The following CDH13 variants were observed in gnomAD, a reference collection of about 807,000 sequenced individuals.
CDH13 encodes cadherin 13, also known as cadherin-13.
A neutral mutation model predicts 63.8 loss-of-function variants in CDH13; 24 were observed. That is an observed-to-expected ratio of 0.38 (90% CI 0.27 to 0.53). The LOEUF (loss-of-function observed/expected upper bound fraction) is 0.53, where lower values mean the gene tolerates loss of function less well. Ranked by LOEUF, CDH13 falls within the 20% of genes least tolerant of loss-of-function variation. The probability of loss-of-function intolerance (pLI) is 0.85; values close to 1 mark genes in which losing one functional copy is unlikely to be tolerated. For missense variants in CDH13, 1,049 were observed against 903.1 expected (o/e 1.16, Z -2.07); for synonymous variants, 503 against 355.3 (o/e 1.42, Z -4.67).
At chr16:83,199,120 G>C (rs922960912) in intron 4 of CDH13, among the ~76,000 whole-genome samples, 2 of 152,344 alleles carry the variant, frequency 1.3e-5, no homozygotes, top group South Asian at 4.1e-4. Context: ...GTCAGAAGGT[G>C]CTGGAGCTGG....
chr16:83,304,550 C>G (rs779346601), intron 5 of CDH13, among the ~76,000 whole-genome samples: 7 of 152,126 alleles, frequency 4.6e-5, no homozygotes, highest in Non-Finnish European at 1.0e-4. Flanking sequence ...TACAGAATGA[C>G]TATCAAATAA....
intron 3 of CDH13, among the ~76,000 whole-genome samples, chr16:83,121,702 C>T (rs987699525): frequency 6.6e-5 from 10 of 152,130 alleles, no homozygotes; most frequent in African/African-American, 1.4e-4. Flanking sequence ...TCTCACTAAA[C>T]GTCTTCCTTC....
At chr16:83,291,178 G>A (rs994855421) in intron 5 of CDH13, among the ~76,000 whole-genome samples, 5 of 152,138 alleles carry the variant, frequency 3.3e-5, no homozygotes, top group Non-Finnish European at 5.9e-5. Context: ...CTCAATTAAT[G>A]AATGGAAGAA....
At chr16:83,474,016 T>A (rs13338229) in intron 6 of CDH13, among the ~76,000 whole-genome samples, 3,819 of 152,238 alleles carry the variant, frequency 0.025, 164 homozygotes, top group African/African-American at 0.086. Flanking sequence ...TCATTCAGGA[T>A]TATGCTTTTG....
At chr16:83,590,583 T>A (rs1906639364) in intron 7 of CDH13, among the ~76,000 whole-genome samples, 2 of 152,092 alleles carry the variant, frequency 1.3e-5, no homozygotes, top group Admixed American at 6.5e-5. Context: ...AGAGAGTCTG[T>A]TTTTTCTCGA....
chr16:83,490,536 C>G (rs796258313), intron 7 of CDH13, among the ~76,000 whole-genome samples: 12 of 152,284 alleles, frequency 7.9e-5, no homozygotes, highest in African/African-American at 2.6e-4. Context: ...CTCTCCTGCT[C>G]CAAGGATTGG....
chr16:83,452,795 C>T (rs779111773), intron 6 of CDH13, among the ~76,000 whole-genome samples: 2 of 152,180 alleles, frequency 1.3e-5, no homozygotes, highest in East Asian at 1.9e-4. Flanking sequence ...GAGAAGTATT[C>T]GTGGATGAAG....
chr16:83,074,803 C>T (rs2151549199), intron 3 of CDH13, among the ~76,000 whole-genome samples: 1 of 152,298 alleles, frequency 6.6e-6, no homozygotes, highest in East Asian at 1.9e-4. Flanking sequence ...AAGTGAGTTC[C>T]TGATAAATAG....
At chr16:83,718,681 C>T (rs952576612) in intron 10 of CDH13, among the ~76,000 whole-genome samples, 10 of 152,088 alleles carry the variant, frequency 6.6e-5, no homozygotes, top group Non-Finnish European at 1.5e-4. Context: ...TGAAATCCAC[C>T]ACCACGATGG....
chr16:83,233,065 C>T (rs17749638), intron 5 of CDH13, among the ~76,000 whole-genome samples: 88,862 of 152,028 alleles, frequency 0.58, 28,256 homozygotes, highest in East Asian at 0.85. Flanking sequence ...TCCAGATTGG[C>T]GGCAGGGCCA....
chr16:83,021,675 C>T (rs1171728878), intron 2 of CDH13, among the ~76,000 whole-genome samples: 2 of 152,180 alleles, frequency 1.3e-5, no homozygotes, highest in Non-Finnish European at 2.9e-5. Context: ...GGAACTGAAG[C>T]ATGGAATGGA....
intron 6 of CDH13, among the ~76,000 whole-genome samples, chr16:83,434,999 G>GTA (rs1354997292): frequency 4.0e-5 from 3 of 75,808 alleles, no homozygotes; most frequent in East Asian, 3.0e-4. Context: ...ATATATATAT[G>GTA]TATATATATA....
At chr16:83,553,489 C>T (rs1005318388) in intron 7 of CDH13, among the ~76,000 whole-genome samples, 1 of 152,200 alleles carries the variant, frequency 6.6e-6, no homozygotes, top group Admixed American at 6.5e-5. Context: ...TAGTTACATT[C>T]TTCCATGTAA....
chr16:83,353,363 GC>G (rs1266558668), intron 6 of CDH13, among the ~76,000 whole-genome samples: 1 of 152,126 alleles, frequency 6.6e-6, no homozygotes, highest in African/African-American at 2.4e-5. Flanking sequence ...CATATCCCAG[GC>G]CCCCACCCTG....
At chr16:82,918,978 C>T (rs758334246) in intron 2 of CDH13, among the ~76,000 whole-genome samples, 6 of 152,074 alleles carry the variant, frequency 3.9e-5, no homozygotes, top group Non-Finnish European at 7.4e-5. Context: ...CTTTATTGCT[C>T]ATAAGGTTTA....
chr16:83,467,383 G>A (rs568339578), intron 6 of CDH13, among the ~76,000 whole-genome samples: 25 of 152,152 alleles, frequency 1.6e-4, no homozygotes, highest in East Asian at 5.8e-4. Context: ...ATGTGTGAGC[G>A]GATGTCACAC....
intron 7 of CDH13, among the ~76,000 whole-genome samples, chr16:83,598,389 G>A (rs1428934762): frequency 6.6e-6 from 1 of 152,094 alleles, no homozygotes; most frequent in African/African-American, 2.4e-5. Context: ...TTTTTAAATA[G>A]ATAATTACAG....
intron 5 of CDH13, among the ~76,000 whole-genome samples, chr16:83,336,257 C>T (rs1048107990): frequency 2.0e-5 from 3 of 146,678 alleles, no homozygotes; most frequent in Non-Finnish European, 4.4e-5. Context: ...ACCAAGATCA[C>T]GCCACTGTAC....
chr16:83,454,160 G>A (rs1289247335), intron 6 of CDH13, among the ~76,000 whole-genome samples: 5 of 152,214 alleles, frequency 3.3e-5, no homozygotes, highest in African/African-American at 7.2e-5. Context: ...TGCAAAACAG[G>A]TATATTAAGG....
Sources: allele counts gnomAD v4.1 joint callset (sites outside exome capture counted in the v4.1 genomes callset), GRCh38; gene constraint gnomAD v4.1.1; transcripts MANE v1.5; gene names NCBI Gene and HGNC (gene_info 2026-07-23, HGNC 2026-07-21).